The following PROX2 variants were observed in gnomAD, a reference collection of about 807,000 sequenced individuals.
PROX2 encodes prospero homeobox 2.
PROX2 carries 46 observed loss-of-function variants against 48.9 expected under a neutral mutation model. The ratio of observed to expected loss-of-function variants is 0.94; its 90% CI spans 0.74 to 1.20. PROX2 has a LOEUF of 1.20. PROX2 is among the 50% of genes most tolerant of loss of function. The probability of loss-of-function intolerance (pLI) is 0.00; values close to 1 mark genes in which losing one functional copy is unlikely to be tolerated. For synonymous variants in PROX2, 260 were observed against 276.6 expected (o/e 0.94, Z 0.60); for missense variants, 663 against 719.4 (o/e 0.92, Z 0.90).
chr14:74,861,689 G>C (rs753245289), intron 3 of PROX2, among the ~76,000 whole-genome samples: 2 of 152,174 alleles, frequency 1.3e-5, no homozygotes, highest in Admixed American at 1.3e-4. Flanking sequence ...CACCTTGGAA[G>C]TTGTTCCTTA....
In PROX2 at chr14:74,863,845, T is replaced by C; in HGVS notation, c.-11A>G. The C allele has an allele frequency of 6.8e-7, 1 of 1,473,110 alleles. No individual in the cohort carries two copies. Among genetic ancestry groups the C allele is most frequent in the Non-Finnish European group, 8.9e-7 (1 of 1,118,520 alleles). 91.3% of individuals were successfully genotyped at this position (1,473,110 alleles called of 1,614,324 possible). On this transcript the variant is annotated 5_prime_UTR_variant, in exon 3 of 6. Coordinates refer to ENST00000556489, the MANE Select transcript of PROX2 (RefSeq NM_001243007.2). The stretch of plus-strand genomic sequence containing the variant: ...GGAGTTTGGATCCATCCCAGGCACT[T>C]GTTCAGGGCTTCAGGAATTCCTCCT...
At chr14:74,869,374 G>T (rs1305555959) in intron 2 of PROX2, among the ~76,000 whole-genome samples, 1 of 151,600 alleles carries the variant, frequency 6.6e-6, no homozygotes, top group South Asian at 2.1e-4. Context: ...TGCCTCCCAC[G>T]TTCAAGCGAT....
chr14:74,862,696 C>G lies in PROX2; in HGVS notation c.1139G>C (p.Arg380Pro), dbSNP rs544880674. The G allele has an allele frequency of 1.2e-6, 2 of 1,613,930 alleles. No individual in the cohort carries two copies. Among genetic ancestry groups the G allele is most frequent in the African/African-American group, 1.3e-5 (1 of 74,996 alleles). ...TTGCGGCTTAGTAGTTCTCCAAGGT[C>G]GTAGGGCAGGCTCTGAGGAGGGGTG... ...QRHPSSEPALRPWRTTKPQPL... is the reference protein window; with the variant it reads ...QRHPSSEPALPPWRTTKPQPL... Residue 380 changes from arginine (R) to proline (P), a missense_variant, in exon 3 of 6, where the codon CGA becomes CCA. Arg to Pro is a moderately radical substitution (Grantham distance 103). Coordinates refer to ENST00000556489, the MANE Select transcript of PROX2 (RefSeq NM_001243007.2).
intron 1 of PROX2, chr14:74,874,280 G>A (rs1883287108): frequency 6.1e-6 from 2 of 328,954 alleles, no homozygotes; most frequent in African/African-American, 4.9e-5. Context: ...TTGATATGGA[G>A]TCTTGCTCTA....
intron 2 of PROX2, among the ~76,000 whole-genome samples, chr14:74,870,777 C>G (rs1883193570): frequency 6.6e-6 from 1 of 152,034 alleles, no homozygotes; most frequent in South Asian, 2.1e-4. Flanking sequence ...CAGGGGCTCA[C>G]GCCTGTAATC....
chr14:74,856,801 C>T lies in PROX2; in HGVS notation c.1608G>A (p.Glu536=). The change falls in exon 5 of 6, where the codon GAG becomes GAA. Residue 536 remains glutamate (E), a splice_region_variant and synonymous_variant. Transcript: ENST00000556489. The part of the protein sequence containing the change: ...NMHYNKGNDF[E]VPDCFLEIAS... ...ATGGGAACCCAGTACATGGTCTTAC[C>T]TCAAAGTCATTTCCCTTGTTGTAGT... 1 of 1,613,232 alleles carries T rather than the reference C, an allele frequency of 6.2e-7. No individual in the cohort carries two copies. The highest frequency in any genetic ancestry group is 1.1e-5 in the South Asian group (1 of 91,066).
In PROX2 at chr14:74,863,959, A is replaced by G. The variant is rs916059032; in HGVS notation, c.-125T>C. 3 of 1,221,202 alleles carry G rather than the reference A, an allele frequency of 2.5e-6. No individual in the cohort carries two copies. The highest frequency in any genetic ancestry group is 7.3e-5 in the Admixed American group (2 of 27,428). The allele number at this position is 1,221,202 out of a possible 1,614,324, so 75.6% of individuals were successfully genotyped here. Reference sequence around the variant, plus strand: ...GGTAAAGAGCCACTGTCACTGAGGAAGGATTCAGATTCTGGGATGCCAGGG... The same window carrying G: ...GGTAAAGAGCCACTGTCACTGAGGAGGGATTCAGATTCTGGGATGCCAGGG... On this transcript the variant is annotated 5_prime_UTR_variant, in exon 3 of 6. Transcript: ENST00000556489.
chr14:74,858,573 G>T, intron 3 of PROX2, 59 bp from the exon 4 acceptor site: 1 of 875,760 alleles, frequency 1.1e-6, no homozygotes, highest in Non-Finnish European at 1.8e-6. Context: ...ATTAACTAGT[G>T]AATTCCTTGT....
chr14:74,868,866 T>C (rs1043972495), intron 2 of PROX2, among the ~76,000 whole-genome samples: 11 of 150,576 alleles, frequency 7.3e-5, no homozygotes, highest in Non-Finnish European at 1.3e-4. Flanking sequence ...AGTATGGAGA[T>C]AGATGGAGAA....
rs112772335 is a variant in PROX2, at chr14:74,861,103, C to T, written c.1305+1427G>A. The T allele has an allele frequency of 3.4e-4, 248 of 723,194 alleles. 1 individual carries two copies. The African/African-American group carries it at 4.1e-3, about 12-fold the overall frequency. 44.8% of individuals were successfully genotyped at this position (723,194 alleles called of 1,614,324 possible). ...ACACTTTTGACCGGCAGGGGGCGCT[C>T]ATGGCATTTAGGACACAAAGGCAGG... On this transcript the variant is annotated intron_variant, in intron 3 of 5. Transcript: ENST00000556489.
Position 74,856,955 on chromosome 14 carries a change from C to T in PROX2, c.1454G>A (p.Ser485Asn), listed in dbSNP as rs1185935757. The change falls in exon 5 of 6, where the codon AGC becomes AAC. Residue 485 changes from serine (S) to asparagine (N), a missense_variant. Physicochemically the swap from Ser to Asn is conservative, Grantham distance 46. Transcript: ENST00000556489. ...CITSQMIKWFSNFREFYYIQM... is the reference protein window; with the variant it reads ...CITSQMIKWFNNFREFYYIQM... ...GATGTAATAAAACTCACGAAAGTTG[C>T]TGAACCACTTGATCATCTGGGAGGT... 8 of 1,613,888 alleles carry T rather than the reference C, an allele frequency of 5.0e-6. No individual in the cohort carries two copies. Among genetic ancestry groups the T allele is most frequent in the Admixed American group, 1.7e-5 (1 of 60,002 alleles).
rs926375084 is a variant in PROX2, at chr14:74,871,179, G to A, written c.-251C>T. 6.6e-6 allele frequency: 1 copy of A among 151,546 alleles called. No individual in the cohort carries two copies. Among genetic ancestry groups the A allele is most frequent in the Non-Finnish European group, 1.5e-5 (1 of 67,920 alleles). The allele number at this position is 151,546 out of a possible 1,614,324, so 9.4% of individuals were successfully genotyped here. On this transcript the variant is annotated 5_prime_UTR_variant, in exon 2 of 6. Transcript: ENST00000556489. ...GGAGTTCAAAGCTGTAGTGTGCTAC[G>A]ATCATGCCAATGAATAGCCACTGCA...
rs2091727041 is a variant in PROX2, at chr14:74,854,434, G to C, written c.*698C>G. ...GGGGTGGGGTCCTGCTTGAGATCCT[G>C]AGTTAGCTGCAGGAGATGGGTCCAG... is the stretch of plus-strand genomic sequence containing the variant. On this transcript the variant is annotated 3_prime_UTR_variant, in exon 6 of 6. Coordinates refer to ENST00000556489, the MANE Select transcript of PROX2 (RefSeq NM_001243007.2). 3.7e-6 allele frequency: 1 copy of C among 272,560 alleles called. No homozygotes were observed. Among genetic ancestry groups the C allele is most frequent in the South Asian group, 3.1e-5 (1 of 32,612 alleles). The allele number at this position is 272,560 out of a possible 1,614,324, so 16.9% of individuals were successfully genotyped here.
chr14:74,873,939 G>A, intron 1 of PROX2: 1 of 477,798 alleles, frequency 2.1e-6, no homozygotes, highest in South Asian at 1.5e-5. Flanking sequence ...AGATGAAGAT[G>A]TATTGGAAAT....
chr14:74,858,333 T>G, intron 4 of PROX2, 74 bp downstream of exon 4: 4 of 864,020 alleles, frequency 4.6e-6, no homozygotes, highest in Non-Finnish European at 7.6e-6. Context: ...GACCTAGGAC[T>G]TGCCTCACAC....
At chr14:74,868,002 G>A (rs971170545) in intron 2 of PROX2, among the ~76,000 whole-genome samples, 35 of 152,130 alleles carry the variant, frequency 2.3e-4, no homozygotes, top group Non-Finnish European at 3.8e-4. Context: ...CCGGCGTGCT[G>A]CCCACAGCCC....
In PROX2 at chr14:74,862,904, A is replaced by C. The variant is rs1422287222; in HGVS notation, c.931T>G (p.Ser311Ala). Reference sequence around the variant, plus strand: ...CTTGGAGGGATAGGGTACCTAGGAGAATCTAGACGCTTGGCCAGTGATAAA... The same window carrying C: ...CTTGGAGGGATAGGGTACCTAGGAGCATCTAGACGCTTGGCCAGTGATAAA... ...GNLSLAKRLD[S>A]PRYPIPPRMT... The change falls in exon 3 of 6, where the codon TCT becomes GCT. Residue 311 changes from serine to alanine, a missense_variant. Physicochemically the swap from Ser to Ala is moderately conservative, Grantham distance 99. Coordinates refer to ENST00000556489, the MANE Select transcript of PROX2 (RefSeq NM_001243007.2). 1 of 1,613,656 alleles carries C rather than the reference A, an allele frequency of 6.2e-7. No homozygotes were observed. Among genetic ancestry groups the C allele is most frequent in the African/African-American group, 1.3e-5 (1 of 74,874 alleles).
At chr14:74,856,762 A>T (rs185911110) in intron 5 of PROX2, 39 bp downstream of exon 5, 1 of 1,542,204 alleles carries the variant, frequency 6.5e-7, no homozygotes, top group Admixed American at 1.7e-5. Flanking sequence ...TAGGGAAGAC[A>T]CTCATCAGAT....
rs754378888 is a variant in PROX2, at chr14:74,854,316, A to G, written c.*816T>C. 9.2e-6 allele frequency: 4 copies of G among 436,358 alleles called. No homozygotes were observed. The highest frequency in any genetic ancestry group is 3.5e-5 in the South Asian group (2 of 57,148). 27.0% of individuals were successfully genotyped at this position (436,358 alleles called of 1,614,324 possible). ...TAAAGTTTGTCTTGAGTTTGCTGAA[A>G]TGATCAGCAGAAATCTTGGGCGGTG... On this transcript the variant is annotated 3_prime_UTR_variant, in exon 6 of 6. Coordinates refer to ENST00000556489, the MANE Select transcript of PROX2 (RefSeq NM_001243007.2).
Sources: gnomAD v4.1 joint callset for allele counts (sites outside exome capture counted in the v4.1 genomes callset) on GRCh38, gnomAD v4.1.1 for gene constraint, MANE v1.5 for transcripts, NCBI Gene and HGNC (gene_info 2026-07-23, HGNC 2026-07-21) for gene names.